Variants in ROBO2 observed in about 807,000 individuals in gnomAD.
ROBO2 encodes the protein roundabout homolog 2.
A neutral mutation model predicts 160.8 loss-of-function variants in ROBO2; 53 were observed. That is an observed-to-expected ratio of 0.33 (90% CI 0.26 to 0.41). The LOEUF is 0.41. Among genes scored for constraint, ROBO2 ranks in the 10% least tolerant of loss-of-function variants. The pLI is 1.00. For synonymous variants in ROBO2, 664 were observed against 611.7 expected (o/e 1.09, Z -1.26); for missense variants, 1,577 against 1,722.4 (o/e 0.92, Z 1.49).
At chr3:76,468,735 A>G (rs1176471724) in intron 2 of ROBO2, among the ~76,000 whole-genome samples, 3 of 151,860 alleles carry the variant, frequency 2.0e-5, no homozygotes, top group Non-Finnish European at 2.9e-5. Context: ...TTTCTCTCCC[A>G]TGTCCTCTCT....
At chr3:76,649,547 TAAG>T (rs923716642) in intron 2 of ROBO2, among the ~76,000 whole-genome samples, 18 of 152,098 alleles carry the variant, frequency 1.2e-4, no homozygotes, top group Admixed American at 9.2e-4. Flanking sequence ...TTTTCTAAAA[TAAG>T]AAGTTAAAAA....
At chr3:76,477,195 C>A (rs2078974543) in intron 2 of ROBO2, among the ~76,000 whole-genome samples, 1 of 152,132 alleles carries the variant, frequency 6.6e-6, no homozygotes, top group Non-Finnish European at 1.5e-5. Flanking sequence ...GATCCTATAT[C>A]ATAACTATGA....
chr3:76,520,221 C>T (rs963462550), intron 2 of ROBO2, among the ~76,000 whole-genome samples: 2 of 152,126 alleles, frequency 1.3e-5, no homozygotes, highest in Non-Finnish European at 2.9e-5. Flanking sequence ...GAGGCCGAGG[C>T]AGGCGGATCA....
chr3:76,359,132 A>G (rs1278383419), intron 2 of ROBO2, among the ~76,000 whole-genome samples: 1 of 151,750 alleles, frequency 6.6e-6, no homozygotes, highest in Non-Finnish European at 1.5e-5. Flanking sequence ...ATAGTATTCC[A>G]TGGTGTGTGT....
intron 2 of ROBO2, among the ~76,000 whole-genome samples, chr3:76,499,737 G>T (rs759046868): frequency 1.3e-5 from 2 of 152,142 alleles, no homozygotes; most frequent in Admixed American, 1.3e-4. Context: ...ATTTCAAAGA[G>T]TATACATTAA....
intron 5 of ROBO2, among the ~76,000 whole-genome samples, chr3:77,501,688 C>T (rs886344537): frequency 8.6e-5 from 13 of 151,312 alleles, no homozygotes; most frequent in East Asian, 5.8e-4. Flanking sequence ...TAGAGAATCA[C>T]GGCAATATTT....
chr3:77,027,390 G>A (rs942140081), intron 2 of ROBO2, among the ~76,000 whole-genome samples: 13 of 152,182 alleles, frequency 8.5e-5, no homozygotes, highest in East Asian at 1.9e-4. Context: ...CAGACCTGCC[G>A]TTGTGGGTAT....
intron 2 of ROBO2, among the ~76,000 whole-genome samples, chr3:77,147,547 A>G (rs1388153584): frequency 6.6e-6 from 1 of 152,194 alleles, no homozygotes; most frequent in Non-Finnish European, 1.5e-5. Flanking sequence ...AATTGTATTA[A>G]TTATTACCAC....
chr3:77,201,797 A>T (rs906330975), intron 2 of ROBO2, among the ~76,000 whole-genome samples: 5 of 152,126 alleles, frequency 3.3e-5, no homozygotes, highest in Non-Finnish European at 7.4e-5. Flanking sequence ...GAGGGGAAAA[A>T]ACACAAAAAA....
intron 2 of ROBO2, among the ~76,000 whole-genome samples, chr3:76,058,870 A>G (rs201889831): frequency 0.021 from 2,854 of 134,842 alleles, 35 homozygotes; most frequent in East Asian, 0.081. Context: ...TCATTGTTCA[A>G]TTCCCACCTA....
intron 2 of ROBO2, among the ~76,000 whole-genome samples, chr3:77,473,766 CT>C (rs1582257724): frequency 6.6e-6 from 1 of 152,010 alleles, no homozygotes; most frequent in Admixed American, 6.5e-5. Context: ...GCAGGCTGCT[CT>C]TTGTTAGAAA....
chr3:77,596,827 TAA>T, intron 19 of ROBO2, 77 bp downstream of exon 20: 2 of 1,538,156 alleles, frequency 1.3e-6, no homozygotes, highest in East Asian at 2.3e-5. Context: ...TGGATTTTTT[TAA>T]AGAAACATAT....
At chr3:76,686,210 A>C (rs2092682449) in intron 2 of ROBO2, among the ~76,000 whole-genome samples, 1 of 151,990 alleles carries the variant, frequency 6.6e-6, no homozygotes, top group Non-Finnish European at 1.5e-5. Flanking sequence ...AGAGAGGAAA[A>C]GGAGTTAGGT....
At chr3:76,276,886 G>T (rs1707956411) in intron 2 of ROBO2, among the ~76,000 whole-genome samples, 1 of 151,840 alleles carries the variant, frequency 6.6e-6, no homozygotes, top group Admixed American at 6.6e-5. Context: ...TTGGATTTTG[G>T]AATATTTGCA....
chr3:76,542,700 G>T (rs199931899), intron 2 of ROBO2, among the ~76,000 whole-genome samples: 1 of 151,582 alleles, frequency 6.6e-6, no homozygotes, highest in Non-Finnish European at 1.5e-5. Context: ...CTTTCATTCC[G>T]CAAGATCTTG....
intron 1 of ROBO2, among the ~76,000 whole-genome samples, chr3:77,096,513 A>G (rs539711727): frequency 1.3e-5 from 2 of 151,346 alleles, no homozygotes; most frequent in Non-Finnish European, 2.9e-5. Context: ...CAGTGGCACA[A>G]TCTTGGCTCA....
At chr3:76,998,951 A>G (rs2061185920) in intron 2 of ROBO2, among the ~76,000 whole-genome samples, 1 of 152,164 alleles carries the variant, frequency 6.6e-6, no homozygotes. Context: ...CAAGGCTTCA[A>G]CTTAGAAGTA....
chr3:77,317,394 G>T, intron 2 of ROBO2: 2 of 1,174,002 alleles, frequency 1.7e-6, no homozygotes, highest in Admixed American at 1.7e-5. Context: ...CCATTTCTCC[G>T]TAGACCTCGA....
chr3:75,911,703 G>A lies in ROBO2; in HGVS notation c.-14+4743G>A, dbSNP rs9865708. Among the ~76,000 whole-genome samples the A allele has an allele frequency of 5.4e-3, 813 of 151,416 alleles. 8 individuals carry two copies. Among genetic ancestry groups the A allele is most frequent in the African/African-American group, 0.019 (784 of 41,248 alleles). ...CTCCCGTGTAGCTGGGACTACAGGC[G>A]CACGCCACCATGCCCGGCTAATTTT... On this transcript the variant is annotated intron_variant, in intron 1 of 26. Coordinates refer to the ROBO2 transcript ENST00000487694.
Sources: allele counts gnomAD v4.1 joint callset (sites outside exome capture counted in the v4.1 genomes callset), GRCh38; gene constraint gnomAD v4.1.1; transcripts MANE v1.5; gene names NCBI Gene and HGNC (gene_info 2026-07-23, HGNC 2026-07-21).